The following ANKRD33B variants were observed in gnomAD, a reference collection of about 807,000 sequenced individuals.
The protein encoded by ANKRD33B is ankyrin repeat domain-containing protein 33B.
In ANKRD33B, 6 loss-of-function variants were observed where a neutral mutation model predicts 21.5. The ratio of observed to expected loss-of-function variants is 0.28; its 90% CI spans 0.15 to 0.55. The LOEUF is 0.55. Ranked by LOEUF, ANKRD33B falls within the 20% of genes least tolerant of loss-of-function variation. The pLI, the probability that ANKRD33B is intolerant of heterozygous loss-of-function variation, is 0.94. For missense variants in ANKRD33B, 698 were observed against 747.2 expected, an observed-to-expected ratio of 0.93 and a Z score of 0.77; for synonymous variants, 347 against 342.4, an observed-to-expected ratio of 1.01 and a Z score of -0.15.
chr5:10,615,124 C>T (rs1446770533), intron 1 of ANKRD33B, among the ~76,000 whole-genome samples: 1 of 152,070 alleles, frequency 6.6e-6, no homozygotes, highest in African/African-American at 2.4e-5. Context: ...CAGATACTTC[C>T]GGAACCCTGA....
rs1222385557 is a variant in ANKRD33B, at chr5:10,577,109, T to TCCCTTC, written c.366+12294_366+12299dup. 7.2e-3 allele frequency among the ~76,000 whole-genome samples: 1,085 copies of TCCCTTC among 150,086 alleles called. 6 individuals are homozygous for TCCCTTC. The highest frequency in any genetic ancestry group is 0.014 in the African/African-American group (577 of 40,228). The stretch of plus-strand genomic sequence containing the variant: ...TTCCCTTTCCCTTCCCCTTCCCCTT[T>TCCCTTC]CCCTTCCCCTTCCCCTTCCCCTTTT... On this transcript the variant is annotated intron_variant, in intron 1 of 3. Coordinates refer to ENST00000296657, the MANE Select transcript of ANKRD33B (RefSeq NM_001164440.2).
At chr5:10,612,303 C>T (rs1736189045) in intron 1 of ANKRD33B, among the ~76,000 whole-genome samples, 1 of 152,216 alleles carries the variant, frequency 6.6e-6, no homozygotes. Flanking sequence ...GATCATGGGC[C>T]TGCTTTCTGT....
At chr5:10,623,221 C>T (rs1040873122) in intron 2 of ANKRD33B, among the ~76,000 whole-genome samples, 1 of 152,184 alleles carries the variant, frequency 6.6e-6, no homozygotes, top group African/African-American at 2.4e-5. Flanking sequence ...AAAGCGTCCC[C>T]ATAGACCACC....
At position 10,654,677 on chromosome 5, in the gene ANKRD33B, A is replaced by C. The variant is rs1169774157; in HGVS notation, c.*4564A>C. On this transcript the variant is annotated 3_prime_UTR_variant, in exon 4 of 4. Transcript: ENST00000296657. ...CTCTTCTGGATGGAACGTGTGTATC[A>C]ACAACAATGAAATGCACCTCCGTGT... is the stretch of plus-strand genomic sequence containing the variant. The C allele has an allele frequency of 6.6e-6, 1 of 152,298 alleles. No individual in the cohort carries two copies. The highest frequency in any genetic ancestry group is 1.5e-5 in the Non-Finnish European group (1 of 68,032). The allele number at this position is 152,298 out of a possible 1,614,324, so 9.4% of individuals were successfully genotyped here.
intron 3 of ANKRD33B, among the ~76,000 whole-genome samples, chr5:10,643,553 C>T (rs1318750067): frequency 1.3e-5 from 2 of 151,940 alleles, no homozygotes; most frequent in South Asian, 2.1e-4. Flanking sequence ...TGGTGGCCCA[C>T]GTCTGTAATC....
intron 2 of ANKRD33B, among the ~76,000 whole-genome samples, chr5:10,637,429 C>CACACACACACACACAT (rs771418465): frequency 1.3e-4 from 15 of 116,300 alleles, no homozygotes; most frequent in African/African-American, 4.0e-4. Flanking sequence ...TAGTTAGACA[C>CACACACACACACACAT]ACACACACAC....
chr5:10,631,059 T>C (rs533044813), intron 2 of ANKRD33B, among the ~76,000 whole-genome samples: 1 of 152,274 alleles, frequency 6.6e-6, no homozygotes, highest in Admixed American at 6.5e-5. Context: ...AGATAATTTC[T>C]TTATGTTAGG....
rs562982565 is a variant in ANKRD33B, at chr5:10,613,863, GC to G, written c.367-4467del. ...TGCAGTGAGCCGAGATCGTGTCAGT[GC>G]CCTCCAGCCTGGTGACAGAGAGAGA... On this transcript the variant is annotated intron_variant, in intron 1 of 3. Coordinates refer to ENST00000296657, the MANE Select transcript of ANKRD33B (RefSeq NM_001164440.2). Among the ~76,000 whole-genome samples, 37 of 150,584 alleles carry G rather than the reference GC, an allele frequency of 2.5e-4. No homozygotes were observed. The East Asian group carries it at 6.1e-3, about 25-fold the overall frequency.
intron 2 of ANKRD33B, among the ~76,000 whole-genome samples, chr5:10,636,889 TG>T (rs1736879379): frequency 6.6e-6 from 1 of 152,200 alleles, no homozygotes; most frequent in Non-Finnish European, 1.5e-5. Flanking sequence ...GGCGGTTTGG[TG>T]GTGTCTGGAC....
chr5:10,651,552 C>G lies in ANKRD33B; in HGVS notation c.*1439C>G, dbSNP rs950328361. 6.6e-6 allele frequency: 1 copy of G among 152,318 alleles called. No individual in the cohort carries two copies. The highest frequency in any genetic ancestry group is 1.5e-5 in the Non-Finnish European group (1 of 68,028). 9.4% of individuals were successfully genotyped at this position (152,318 alleles called of 1,614,324 possible). A position where few individuals can be genotyped will look rare whatever the true frequency, so the allele number is the denominator to read the frequency against. On this transcript the variant is annotated 3_prime_UTR_variant, in exon 4 of 4. Coordinates refer to ENST00000296657, the MANE Select transcript of ANKRD33B (RefSeq NM_001164440.2). ...AAGCTGGAAACTCAGGCTGGAGTTT[C>G]TAGTTCTAATGGCTCTCTGGCCATG...
chr5:10,640,975 A>T (rs947634746), intron 3 of ANKRD33B, among the ~76,000 whole-genome samples: 3 of 152,184 alleles, frequency 2.0e-5, no homozygotes, highest in Admixed American at 2.0e-4. Context: ...CTCATGATCT[A>T]ATCACCCCCT....
At chr5:10,630,340 CTCT>C (rs1736678142) in intron 2 of ANKRD33B, among the ~76,000 whole-genome samples, 1 of 152,296 alleles carries the variant, frequency 6.6e-6, no homozygotes, top group East Asian at 1.9e-4. Flanking sequence ...CCTGGGCATG[CTCT>C]TCTTGGGGAG....
intron 1 of ANKRD33B, among the ~76,000 whole-genome samples, chr5:10,566,139 T>G (rs1735051314): frequency 6.6e-6 from 1 of 152,162 alleles, no homozygotes; most frequent in Admixed American, 6.5e-5. Flanking sequence ...CCAAACCATA[T>G]CACACAACAT....
chr5:10,636,168 G>C (rs1579751084), intron 2 of ANKRD33B, among the ~76,000 whole-genome samples: 1 of 122,682 alleles, frequency 8.2e-6, no homozygotes, highest in South Asian at 2.7e-4. Context: ...AGGTGTTCCT[G>C]GGGGGAGGGA....
chr5:10,566,692 G>C (rs557052083), intron 1 of ANKRD33B, among the ~76,000 whole-genome samples: 106 of 152,342 alleles, frequency 7.0e-4, no homozygotes, highest in Non-Finnish European at 1.2e-3. Context: ...CCAGGGGCTC[G>C]AGCCTAACAG....
intron 1 of ANKRD33B, among the ~76,000 whole-genome samples, chr5:10,598,247 T>C (rs1226722058): frequency 2.6e-5 from 4 of 152,156 alleles, no homozygotes; most frequent in African/African-American, 9.7e-5. Context: ...CTTGTTGCGT[T>C]TTAACCATAT....
chr5:10,626,853 G>A (rs1736563229), intron 2 of ANKRD33B, among the ~76,000 whole-genome samples: 1 of 152,202 alleles, frequency 6.6e-6, no homozygotes, highest in Non-Finnish European at 1.5e-5. Flanking sequence ...AACCAGTGAT[G>A]GAGGATGGCT....
chr5:10,644,228 C>G lies in ANKRD33B; in HGVS notation c.638-5038C>G, dbSNP rs117522224. On this transcript the variant is annotated intron_variant, in intron 3 of 3. Transcript: ENST00000296657. Reference sequence around the variant, plus strand: ...TTGTAATAAAAAGTATAACCGGGTTCTGAGAGGCTGATCGATTGCATCTTT... The same window carrying G: ...TTGTAATAAAAAGTATAACCGGGTTGTGAGAGGCTGATCGATTGCATCTTT... 1.8e-4 allele frequency among the ~76,000 whole-genome samples: 28 copies of G among 152,282 alleles called. No homozygotes were observed. The East Asian group carries it at 5.4e-3, about 29-fold the overall frequency.
In ANKRD33B at chr5:10,649,996, C is replaced by T. The variant is rs758596879; in HGVS notation, c.1368C>T (p.Pro456=). 5 of 1,533,502 alleles carry T rather than the reference C, an allele frequency of 3.3e-6. No homozygotes were observed. Among genetic ancestry groups the T allele is most frequent in the African/African-American group, 2.7e-5 (2 of 72,760 alleles). The allele number at this position is 1,533,502 out of a possible 1,614,324, so 95.0% of individuals were successfully genotyped here. The change falls in exon 4 of 4, where the codon CCC becomes CCT. Residue 456 remains proline (P), a synonymous_variant. Transcript: ENST00000296657. ...STKDSGHLQI[P]KWRYKEAKEE... The stretch of plus-strand genomic sequence containing the variant: ...AGGACAGCGGCCACCTGCAGATCCC[C>T]AAGTGGCGGTACAAGGAGGCCAAGG...
Sources: gnomAD v4.1 joint callset for allele counts (sites outside exome capture counted in the v4.1 genomes callset) on GRCh38, gnomAD v4.1.1 for gene constraint, MANE v1.5 for transcripts, NCBI Gene and HGNC (gene_info 2026-07-23, HGNC 2026-07-21) for gene names.